The following ASIC2 variants were observed in gnomAD, a reference collection of about 807,000 sequenced individuals.
ASIC2 encodes acid-sensing ion channel 2.
In ASIC2, 25 loss-of-function variants were observed where a neutral mutation model predicts 57.3. The ratio of observed to expected loss-of-function variants is 0.44; its 90% CI spans 0.32 to 0.61. The LOEUF (loss-of-function observed/expected upper bound fraction) is 0.61. Ranked by LOEUF, ASIC2 falls within the 20% of genes least tolerant of loss-of-function variation. The pLI is 0.06. For missense variants in ASIC2, 641 were observed against 738.1 expected, an observed-to-expected ratio of 0.87 and a Z score of 1.52; for synonymous variants, 319 against 307.5, an observed-to-expected ratio of 1.04 and a Z score of -0.39.
intron 4 of ASIC2, among the ~76,000 whole-genome samples, chr17:33,026,691 G>T (rs2091860395): frequency 6.6e-6 from 1 of 152,210 alleles, no homozygotes; most frequent in South Asian, 2.1e-4. Flanking sequence ...CTCACTGGCT[G>T]GTGGCCTAGT....
intron 1 of ASIC2, among the ~76,000 whole-genome samples, chr17:33,800,918 G>T (rs999535097): frequency 2.0e-5 from 3 of 152,280 alleles, no homozygotes; most frequent in Middle Eastern, 3.4e-3. Flanking sequence ...AGCTAATCTA[G>T]TCTGACTCTA....
At chr17:33,144,376 G>A (rs113300073) in intron 1 of ASIC2, among the ~76,000 whole-genome samples, 4 of 151,962 alleles carry the variant, frequency 2.6e-5, no homozygotes, top group African/African-American at 9.7e-5. Flanking sequence ...GAAGAGAAGG[G>A]GATGGGAAGG....
At chr17:33,568,825 G>C (rs559168462) in intron 1 of ASIC2, among the ~76,000 whole-genome samples, 8 of 152,256 alleles carry the variant, frequency 5.3e-5, no homozygotes, top group African/African-American at 1.9e-4. Context: ...CCATATGGGT[G>C]TTCTTACAGC....
At chr17:33,278,243 G>A (rs1207341203) in intron 1 of ASIC2, among the ~76,000 whole-genome samples, 1 of 151,162 alleles carries the variant, frequency 6.6e-6, no homozygotes, top group East Asian at 1.9e-4. Flanking sequence ...ATATTGGAAG[G>A]AGTCTTGTTC....
chr17:33,120,699 C>T (rs936337667), intron 1 of ASIC2, among the ~76,000 whole-genome samples: 1 of 152,228 alleles, frequency 6.6e-6, no homozygotes, highest in Non-Finnish European at 1.5e-5. Context: ...GGTTGACAGG[C>T]ATTTCTGGGT....
At chr17:33,500,594 G>A (rs1370716836) in intron 1 of ASIC2, among the ~76,000 whole-genome samples, 1 of 152,182 alleles carries the variant, frequency 6.6e-6, no homozygotes, top group Non-Finnish European at 1.5e-5. Context: ...GGTGACCTTG[G>A]ATTCCCCAGT....
At chr17:33,592,366 G>T (rs1006394748) in intron 1 of ASIC2, among the ~76,000 whole-genome samples, 1 of 152,236 alleles carries the variant, frequency 6.6e-6, no homozygotes, top group African/African-American at 2.4e-5. Flanking sequence ...TCTCTGGTTT[G>T]CTCTGATTTT....
intron 1 of ASIC2, chr17:34,006,043 G>A (rs1906514186): frequency 6.6e-6 from 1 of 152,186 alleles, no homozygotes; most frequent in Admixed American, 6.5e-5. Flanking sequence ...TAGCCAAATG[G>A]GAAAGACAGA....
intron 1 of ASIC2, among the ~76,000 whole-genome samples, chr17:33,687,736 T>C (rs1908240029): frequency 6.6e-6 from 1 of 152,136 alleles, no homozygotes; most frequent in Non-Finnish European, 1.5e-5. Context: ...TTTACGGCAT[T>C]TAGTTGCAGG....
intron 1 of ASIC2, among the ~76,000 whole-genome samples, chr17:33,194,821 A>G (rs147900738): frequency 6.0e-4 from 92 of 152,288 alleles, no homozygotes; most frequent in African/African-American, 1.8e-3. Context: ...GTGAAACCCA[A>G]CTTCTGGGAT....
intron 1 of ASIC2, among the ~76,000 whole-genome samples, chr17:33,549,351 T>C (rs1021376782): frequency 6.6e-6 from 1 of 152,186 alleles, no homozygotes; most frequent in African/African-American, 2.4e-5. Flanking sequence ...TTGCTGATGA[T>C]GATCTTTCAG....
chr17:33,408,947 C>T (rs910867588), intron 1 of ASIC2, among the ~76,000 whole-genome samples: 7 of 152,198 alleles, frequency 4.6e-5, no homozygotes, highest in African/African-American at 1.7e-4. Flanking sequence ...GGCGTGATGG[C>T]CCATGCCTGT....
At chr17:33,866,121 C>T (rs1914231558) in intron 1 of ASIC2, among the ~76,000 whole-genome samples, 2 of 152,118 alleles carry the variant, frequency 1.3e-5, no homozygotes, top group South Asian at 4.1e-4. Flanking sequence ...TGTATGGTTA[C>T]ATAATAATTG....
intron 1 of ASIC2, among the ~76,000 whole-genome samples, chr17:33,604,157 C>G (rs1424903995): frequency 6.6e-6 from 1 of 152,146 alleles, no homozygotes; most frequent in African/African-American, 2.4e-5. Context: ...GGACATTGCC[C>G]ACAGCCAGAC....
At chr17:33,358,044 A>T (rs201811833) in intron 1 of ASIC2, among the ~76,000 whole-genome samples, 1 of 152,192 alleles carries the variant, frequency 6.6e-6, no homozygotes, top group East Asian at 1.9e-4. Context: ...TTTGACAATC[A>T]TATATTCTGG....
chr17:33,579,724 A>G (rs1904346489), intron 1 of ASIC2, among the ~76,000 whole-genome samples: 2 of 152,310 alleles, frequency 1.3e-5, no homozygotes, highest in African/African-American at 4.8e-5. Context: ...AACTGTTAAA[A>G]GTAGTGCGGA....
intron 1 of ASIC2, among the ~76,000 whole-genome samples, chr17:33,353,760 A>T (rs925170363): frequency 6.6e-6 from 1 of 152,048 alleles, no homozygotes; most frequent in African/African-American, 2.4e-5. Context: ...TATGATCCTC[A>T]GTTCTTTGGG....
At chr17:33,304,615 T>A (rs920570057) in intron 1 of ASIC2, among the ~76,000 whole-genome samples, 2 of 152,148 alleles carry the variant, frequency 1.3e-5, no homozygotes, top group African/African-American at 4.8e-5. Context: ...CTAGTATGTT[T>A]CCTCCTGGCT....
intron 1 of ASIC2, chr17:33,935,837 G>C (rs1916046669): frequency 6.6e-6 from 1 of 152,238 alleles, no homozygotes; most frequent in Non-Finnish European, 1.5e-5. Flanking sequence ...AGGTGCTAGA[G>C]AGCCAGTTCC....
Sources: gnomAD v4.1 joint callset for allele counts (sites outside exome capture counted in the v4.1 genomes callset) on GRCh38, gnomAD v4.1.1 for gene constraint, MANE v1.5 for transcripts, NCBI Gene and HGNC (gene_info 2026-07-23, HGNC 2026-07-21) for gene names.